The following PDK1 variants were observed in gnomAD, a reference collection of about 807,000 sequenced individuals.
PDK1 encodes [Pyruvate dehydrogenase (acetyl-transferring)] kinase isozyme 1, mitochondrial.
Under a neutral mutation model 54.2 loss-of-function variants are expected in PDK1, and 39 were observed. The observed-to-expected ratio is 0.72, with a 90% CI of 0.56 to 0.94. The LOEUF is 0.94. Ranked by LOEUF, PDK1 falls within the 40% of genes least tolerant of loss-of-function variation. The pLI is 0.00. For synonymous variants in PDK1, 221 were observed against 207.1 expected (o/e 1.07, Z -0.58); for missense variants, 552 against 566.0 (o/e 0.98, Z 0.25).
Position 172,606,895 on chromosome 2 carries a change from C to T in PDK1, c.*10926C>T, listed in dbSNP as rs1413612532. The T allele has an allele frequency of 1.3e-5, 2 of 152,132 alleles. No individual in the cohort carries two copies. Among genetic ancestry groups the T allele is most frequent in the Non-Finnish European group, 2.9e-5 (2 of 68,030 alleles). 9.4% of individuals were successfully genotyped at this position (152,132 alleles called of 1,614,324 possible). A position where few individuals can be genotyped will look rare whatever the true frequency, so the allele number is the denominator to read the frequency against. On this transcript the variant is annotated 3_prime_UTR_variant, in exon 11 of 11. Transcript: ENST00000282077. ...TTTATCACCCTAAAAGGAAACCTTG[C>T]ACCCATTAAACAGTGGTAGTTTCTC...
rs2149302749 is a variant in PDK1, at chr2:172,595,809, C to T, written c.1171-20C>T. On this transcript the variant is annotated intron_variant, in intron 10 of 10. Coordinates refer to ENST00000282077, the MANE Select transcript of PDK1 (RefSeq NM_002610.5). ...CTAAAAAATGCCAGACTTAATAGGT[C>T]TTAGGTTTTTCTTTTTCAGGCTCTG... 1 of 1,611,062 alleles carries T rather than the reference C, an allele frequency of 6.2e-7. No individual in the cohort carries two copies. The highest frequency in any genetic ancestry group is 1.3e-5 in the African/African-American group (1 of 74,880).
At chr2:172,714,265 A>C in the PDK1 span, among the ~76,000 whole-genome samples, 182 of 152,326 alleles carry the variant, frequency 1.2e-3, no homozygotes, top group Admixed American at 2.7e-3. Context: ...ACTCTTTTCA[A>C]CATATACAAT....
At chr2:172,649,320 C>T in the PDK1 span, among the ~76,000 whole-genome samples, 1 of 152,158 alleles carries the variant, frequency 6.6e-6, no homozygotes, top group African/African-American at 2.4e-5. Context: ...CACCAAAACC[C>T]CATCTGTACA....
chr2:172,641,698 C>A, the PDK1 span, among the ~76,000 whole-genome samples: 1 of 152,108 alleles, frequency 6.6e-6, no homozygotes, highest in Non-Finnish European at 1.5e-5. Context: ...CCTGCCTCGG[C>A]CTTCTAAAGT....
In PDK1 at chr2:172,586,266, T is replaced by G; in HGVS notation, c.946-12T>G. ...GATTTGGGCATAGAGCACGATCCTT[T>G]TCTTACCTTAGATGAGTGACCGAGG... On this transcript the variant is annotated splice_polypyrimidine_tract_variant and intron_variant, in intron 8 of 10. Coordinates refer to ENST00000282077, the MANE Select transcript of PDK1 (RefSeq NM_002610.5). The G allele has an allele frequency of 6.4e-7, 1 of 1,566,458 alleles. No homozygotes were observed. The highest frequency in any genetic ancestry group is 2.2e-5 in the East Asian group (1 of 44,616).
intron 8 of PDK1, among the ~76,000 whole-genome samples, chr2:172,583,822 CATATTATT>C (rs1479332950): frequency 6.6e-6 from 1 of 151,834 alleles, no homozygotes; most frequent in African/African-American, 2.4e-5. Context: ...ACTTTTAATA[CATATTATT>C]CAGTACTATT....
chr2:172,698,059 A>C, the PDK1 span, among the ~76,000 whole-genome samples: 1 of 152,220 alleles, frequency 6.6e-6, no homozygotes, highest in Non-Finnish European at 1.5e-5. Flanking sequence ...CCTGAAAGAA[A>C]TCCCAGTCTA....
At chr2:172,577,091 G>T (rs1689621158) in intron 8 of PDK1, among the ~76,000 whole-genome samples, 2 of 152,082 alleles carry the variant, frequency 1.3e-5, no homozygotes, top group South Asian at 4.1e-4. Context: ...TCGCCCTTCA[G>T]TTCCATCAGT....
At chr2:172,700,145 A>G in the PDK1 span, among the ~76,000 whole-genome samples, 1 of 152,192 alleles carries the variant, frequency 6.6e-6, no homozygotes, top group Non-Finnish European at 1.5e-5. Context: ...GGAGTCTCCT[A>G]TGTCTACTTC....
At chr2:172,633,546 A>T in the PDK1 span, among the ~76,000 whole-genome samples, 1 of 144,414 alleles carries the variant, frequency 6.9e-6, no homozygotes, top group Non-Finnish European at 1.5e-5. Flanking sequence ...TTTTTTGTAG[A>T]TAAAGCCAAT....
At chr2:172,647,833 A>AAACTAACTTCACT in the PDK1 span, among the ~76,000 whole-genome samples, 265 of 4,698 alleles carry the variant, frequency 0.056, 3 homozygotes, top group East Asian at 0.12. Flanking sequence ...TTTCTAAGGG[A>AAACTAACTTCACT]AGGTACTGTA....
chr2:172,664,311 C>CAAAAAAAAAACAAA, the PDK1 span, among the ~76,000 whole-genome samples: 1 of 44,174 alleles, frequency 2.3e-5, no homozygotes, highest in African/African-American at 9.8e-5. Flanking sequence ...AACTCTGCCT[C>CAAAAAAAAAACAAA]AAAAAAAAAA....
the PDK1 span, among the ~76,000 whole-genome samples, chr2:172,706,296 G>A: frequency 2.0e-5 from 3 of 151,204 alleles, no homozygotes; most frequent in African/African-American, 7.3e-5. Context: ...AGGAATTATT[G>A]GTGATTCGTT....
chr2:172,640,372 T>C, the PDK1 span, among the ~76,000 whole-genome samples: 1 of 152,196 alleles, frequency 6.6e-6, no homozygotes, highest in Non-Finnish European at 1.5e-5. Context: ...TGGGCCCTCC[T>C]TCCTGGTCCT....
intron 1 of PDK1, 76 bp from the exon 2 acceptor site, chr2:172,558,632 C>G: frequency 7.6e-7 from 1 of 1,321,950 alleles, no homozygotes; most frequent in Non-Finnish European, 1.0e-6. Context: ...AACTTCCTCT[C>G]TATTTCTCTC....
chr2:172,660,572 A>G, the PDK1 span, among the ~76,000 whole-genome samples: 1 of 151,532 alleles, frequency 6.6e-6, no homozygotes, highest in Middle Eastern at 3.2e-3. Flanking sequence ...GCTTTCCCTT[A>G]TTTTGCTTGC....
downstream of PDK1, among the ~76,000 whole-genome samples, chr2:172,612,684 G>C (rs936683649): frequency 2.7e-5 from 4 of 148,812 alleles, no homozygotes; most frequent in African/African-American, 9.9e-5. Flanking sequence ...TTTTTTTTTT[G>C]AGACGGAGTT....
At chr2:172,671,136 A>C in the PDK1 span, among the ~76,000 whole-genome samples, 1 of 151,310 alleles carries the variant, frequency 6.6e-6, no homozygotes, top group Non-Finnish European at 1.5e-5. Context: ...TGTCTTTGCA[A>C]CTGTTATTCT....
chr2:172,668,906 T>TAGAG, the PDK1 span, among the ~76,000 whole-genome samples: 234 of 130,616 alleles, frequency 1.8e-3, 1 homozygote, highest in East Asian at 5.5e-3. Context: ...TATATATATA[T>TAGAG]AGAGAGAGAG....
Sources: allele counts gnomAD v4.1 joint callset (sites outside exome capture counted in the v4.1 genomes callset), GRCh38; gene constraint gnomAD v4.1.1; transcripts MANE v1.5; gene names NCBI Gene and HGNC (gene_info 2026-07-23, HGNC 2026-07-21).